The following SUMF1 variants were observed in gnomAD, a reference collection of about 807,000 sequenced individuals.
SUMF1 encodes formylglycine-generating enzyme.
A neutral mutation model predicts 47.6 loss-of-function variants in SUMF1; 48 were observed. That is an observed-to-expected ratio of 1.01 (90% CI 0.80 to 1.28). The LOEUF (loss-of-function observed/expected upper bound fraction) is 1.28, where lower values mean the gene tolerates loss of function less well. Among genes scored for constraint, SUMF1 ranks in the 50% most tolerant of loss-of-function variants. The pLI, the probability that SUMF1 is intolerant of heterozygous loss-of-function variation, is 0.00. For synonymous variants in SUMF1, 230 were observed against 192.1 expected, an observed-to-expected ratio of 1.20 and a Z score of -1.63; for missense variants, 571 against 485.4, an observed-to-expected ratio of 1.18 and a Z score of -1.66.
At chr3:4,218,134 G>A (rs182389456) in intron 8 of SUMF1, among the ~76,000 whole-genome samples, 31 of 152,078 alleles carry the variant, frequency 2.0e-4, no homozygotes, top group African/African-American at 7.5e-4. Flanking sequence ...GACACGCAGG[G>A]AAGATCGGGT....
chr3:4,125,282 C>G (rs1466399145), intron 8 of SUMF1, among the ~76,000 whole-genome samples: 1 of 152,114 alleles, frequency 6.6e-6, no homozygotes, highest in Non-Finnish European at 1.5e-5. Flanking sequence ...CTACATGTTA[C>G]CGGTTATTAC....
intron 7 of SUMF1, among the ~76,000 whole-genome samples, chr3:4,385,462 C>T (rs1296936852): frequency 1.3e-5 from 2 of 152,022 alleles, no homozygotes; most frequent in African/African-American, 4.8e-5. Flanking sequence ...TGCACGTGTT[C>T]TAATTGGATT....
At chr3:4,324,718 A>C (rs1489441279) in intron 8 of SUMF1, among the ~76,000 whole-genome samples, 1 of 152,186 alleles carries the variant, frequency 6.6e-6, no homozygotes, top group Admixed American at 6.5e-5. Flanking sequence ...TGGGGTTGTG[A>C]AATTACAGTT....
chr3:4,135,752 C>A (rs939013379), intron 8 of SUMF1, among the ~76,000 whole-genome samples: 34 of 152,260 alleles, frequency 2.2e-4, no homozygotes, highest in Non-Finnish European at 3.8e-4. Flanking sequence ...AAATCTCCTT[C>A]AGCTGATAAG....
chr3:4,125,218 T>C (rs1001514500), intron 8 of SUMF1, among the ~76,000 whole-genome samples: 21 of 152,006 alleles, frequency 1.4e-4, no homozygotes, highest in Non-Finnish European at 2.9e-4. Context: ...TAATTAAAAA[T>C]AAAATAAAAT....
chr3:4,316,276 G>A, intron 8 of SUMF1: 2 of 893,720 alleles, frequency 2.2e-6, no homozygotes, highest in Non-Finnish European at 3.6e-6. Context: ...TTCAAAATGG[G>A]TCGTAAAGCA....
rs35911373 is a variant in SUMF1 at position 4,151,556 on chromosome 3, T to TACACACACACAC, written c.1015-82823_1015-82812dup. 6.2e-3 allele frequency among the ~76,000 whole-genome samples: 849 copies of TACACACACACAC among 137,256 alleles called. 21 individuals carry two copies. The highest frequency in any genetic ancestry group is 0.023 in the African/African-American group (806 of 35,434). 90.0% of individuals were successfully genotyped at this position (137,256 alleles called of 152,430 possible). On this transcript the variant is annotated intron_variant and NMD_transcript_variant, in intron 8 of 12. Coordinates refer to the SUMF1 transcript ENST00000448413. Reference sequence around the variant, plus strand: ...ATGTGTATATATATGTGTGTGTATATACACACACACACACACACACACACA... The same window carrying TACACACACACAC: ...ATGTGTATATATATGTGTGTGTATATACACACACACACACACACACACACACACACACACACA...
At chr3:4,291,531 A>G (rs1018666035) in intron 8 of SUMF1, among the ~76,000 whole-genome samples, 5 of 152,204 alleles carry the variant, frequency 3.3e-5, no homozygotes, top group Admixed American at 3.3e-4. Context: ...GCAGTGAATA[A>G]TAGATAACTT....
At chr3:4,406,419 G>A (rs745866089) in intron 7 of SUMF1, among the ~76,000 whole-genome samples, 6 of 152,146 alleles carry the variant, frequency 3.9e-5, no homozygotes, top group Non-Finnish European at 7.3e-5. Context: ...ACTTCGGGAG[G>A]CGGAGGCAGG....
chr3:4,206,827 G>A (rs893046817), intron 8 of SUMF1, among the ~76,000 whole-genome samples: 2 of 151,060 alleles, frequency 1.3e-5, no homozygotes, highest in Admixed American at 1.3e-4. Flanking sequence ...TTTAAATTTT[G>A]TTTATTCTAG....
intron 2 of SUMF1, among the ~76,000 whole-genome samples, chr3:4,451,294 A>C (rs779021144): frequency 6.6e-6 from 1 of 152,184 alleles, no homozygotes; most frequent in African/African-American, 2.4e-5. Flanking sequence ...AAATATGATT[A>C]AAAATGTCTG....
chr3:4,115,365 G>C (rs1439602762), intron 8 of SUMF1, among the ~76,000 whole-genome samples: 1 of 152,088 alleles, frequency 6.6e-6, no homozygotes, highest in East Asian at 1.9e-4. Context: ...GGTACACCAA[G>C]GCAAGAACCC....
chr3:4,086,744 G>A (rs1488477550), intron 8 of SUMF1, among the ~76,000 whole-genome samples: 2 of 152,088 alleles, frequency 1.3e-5, no homozygotes, highest in Non-Finnish European at 2.9e-5. Flanking sequence ...TCCAGTGGAA[G>A]ATAATTGAAT....
intron 8 of SUMF1, among the ~76,000 whole-genome samples, chr3:4,148,332 C>T (rs1694242338): frequency 6.6e-6 from 1 of 152,094 alleles, no homozygotes; most frequent in East Asian, 1.9e-4. Flanking sequence ...AGTAGTGTTT[C>T]ATGGATTGTT....
intron 8 of SUMF1, chr3:4,317,430 C>G (rs1698709416): frequency 3.6e-6 from 2 of 554,362 alleles, no homozygotes; most frequent in South Asian, 2.2e-5. Flanking sequence ...CAACTGTAAT[C>G]CCAGCACTTT....
intron 3 of SUMF1, among the ~76,000 whole-genome samples, chr3:4,441,949 A>G (rs1322344345): frequency 2.0e-5 from 3 of 152,228 alleles, no homozygotes. Flanking sequence ...AATCCATGTG[A>G]CAAAGTATCC....
intron 8 of SUMF1, among the ~76,000 whole-genome samples, chr3:4,119,607 ATTC>A (rs1350332423): frequency 6.6e-6 from 1 of 152,042 alleles, no homozygotes; most frequent in Non-Finnish European, 1.5e-5. Context: ...TGCAGGGAAA[ATTC>A]TTCTTCAGTG....
chr3:4,274,723 G>A (rs1376473885), intron 8 of SUMF1, among the ~76,000 whole-genome samples: 1 of 152,076 alleles, frequency 6.6e-6, no homozygotes, highest in Non-Finnish European at 1.5e-5. Flanking sequence ...TGAATCTCTG[G>A]AAATAAAAAG....
Position 4,294,538 on chromosome 3 carries a change from T to C in SUMF1, c.1014+81792A>G, listed in dbSNP as rs572616576. On this transcript the variant is annotated intron_variant and NMD_transcript_variant, in intron 8 of 12. Transcript: ENST00000448413. ...TCTGAGGTACAATGAGCCTCTGAGT[T>C]GTAGAGAGTGTACCACTGCACTCCA... 2.9e-4 allele frequency among the ~76,000 whole-genome samples: 44 copies of C among 152,238 alleles called. No homozygotes were observed. The East Asian group carries it at 3.5e-3, about 12-fold the overall frequency.
Sources: gnomAD v4.1 joint callset for allele counts (sites outside exome capture counted in the v4.1 genomes callset) on GRCh38, gnomAD v4.1.1 for gene constraint, MANE v1.5 for transcripts, NCBI Gene and HGNC (gene_info 2026-07-23, HGNC 2026-07-21) for gene names.